Variants in FGGY observed in about 807,000 individuals in gnomAD.
FGGY encodes the protein FGGY carbohydrate kinase domain-containing protein.
FGGY carries 72 observed loss-of-function variants against 71.3 expected under a neutral mutation model. The observed-to-expected ratio is 1.01, with a 90% CI of 0.84 to 1.23. The LOEUF (loss-of-function observed/expected upper bound fraction) is 1.23, where lower values mean the gene tolerates loss of function less well. Among genes scored for constraint, FGGY ranks in the 50% most tolerant of loss-of-function variants. The pLI is 0.00. For missense variants in FGGY, 668 were observed against 682.3 expected (o/e 0.98, Z 0.23); for synonymous variants, 251 against 250.3 (o/e 1.00, Z -0.02).
intron 8 of FGGY, among the ~76,000 whole-genome samples, chr1:59,572,231 C>T (rs569256601): frequency 6.6e-6 from 1 of 152,174 alleles, no homozygotes; most frequent in South Asian, 2.1e-4. Flanking sequence ...GATGTTTGAG[C>T]TGGGAGATTT....
intron 7 of FGGY, among the ~76,000 whole-genome samples, chr1:59,527,284 G>A (rs556828682): frequency 1.6e-4 from 25 of 152,290 alleles, no homozygotes; most frequent in African/African-American, 6.0e-4. Context: ...GGAGGATTCC[G>A]AAATTATTTG....
At chr1:59,617,623 A>G (rs531288058) in intron 9 of FGGY, among the ~76,000 whole-genome samples, 190 of 152,208 alleles carry the variant, frequency 1.2e-3, no homozygotes, top group Non-Finnish European at 2.3e-3. Context: ...GACTTTGTCC[A>G]CAGAACACTG....
chr1:59,321,723 C>A lies in FGGY; in HGVS notation c.174C>A (p.Ile58=), dbSNP rs1231627724. The A allele has an allele frequency of 6.2e-7, 1 of 1,612,034 alleles. No individual in the cohort carries two copies. ...FNHHEQSSED[I]WAACCVVTKK... ...ACCATGAGCAGTCCTCCGAGGACAT[C>A]TGGGCTGCGTGCTGTGTTGTCACAA... is the stretch of plus-strand genomic sequence containing the variant. Residue 58 remains isoleucine, a synonymous_variant, in exon 2 of 16, where the codon ATC becomes ATA. Transcript: ENST00000303721.
chr1:59,645,726 T>TAACCACTC (rs1444330009), intron 11 of FGGY, among the ~76,000 whole-genome samples: 1 of 152,212 alleles, frequency 6.6e-6, no homozygotes, highest in Non-Finnish European at 1.5e-5. Context: ...TTTCCTGAAA[T>TAACCACTC]AACCACTCAA....
chr1:59,512,249 C>G (rs1009127964), intron 6 of FGGY, 62 bp from the exon 7 acceptor site: 3 of 1,510,552 alleles, frequency 2.0e-6, no homozygotes, highest in African/African-American at 2.8e-5. Context: ...TTAAAAAAAA[C>G]CCTCTGTTTA....
At chr1:59,573,998 G>A (rs2096035032) in intron 8 of FGGY, among the ~76,000 whole-genome samples, 2 of 152,130 alleles carry the variant, frequency 1.3e-5, no homozygotes, top group South Asian at 4.1e-4. Flanking sequence ...TATTATCTGT[G>A]TATGTATGTT....
intron 8 of FGGY, among the ~76,000 whole-genome samples, chr1:59,574,386 A>C (rs896600391): frequency 3.3e-5 from 5 of 152,178 alleles, no homozygotes; most frequent in African/African-American, 1.2e-4. Flanking sequence ...GGCCAACTCA[A>C]ATAATCCAAG....
intron 5 of FGGY, 139 bp downstream of exon 5, chr1:59,378,976 A>C (rs2059025758): frequency 1.2e-5 from 8 of 664,464 alleles, no homozygotes; most frequent in Middle Eastern, 2.5e-4. Flanking sequence ...AAACATCTTG[A>C]ATCTATCTTC....
intron 8 of FGGY, among the ~76,000 whole-genome samples, chr1:59,603,928 G>T (rs955098947): frequency 2.6e-5 from 4 of 152,166 alleles, no homozygotes; most frequent in Admixed American, 6.5e-5. Flanking sequence ...CCTGATGCCT[G>T]ACTGCTTTCA....
intron 5 of FGGY, among the ~76,000 whole-genome samples, chr1:59,448,756 C>T (rs938627383): frequency 1.3e-5 from 2 of 152,048 alleles, no homozygotes; most frequent in Admixed American, 1.3e-4. Flanking sequence ...GAGGTTGTGG[C>T]CTGACCTTAT....
chr1:59,646,713 C>A (rs1381194275), intron 11 of FGGY, among the ~76,000 whole-genome samples: 1 of 151,996 alleles, frequency 6.6e-6, no homozygotes. Context: ...CCGTGCAAGA[C>A]AATGTTGTTG....
At chr1:59,730,001 G>A (rs1001760690) in intron 14 of FGGY, among the ~76,000 whole-genome samples, 6 of 152,252 alleles carry the variant, frequency 3.9e-5, no homozygotes, top group Non-Finnish European at 8.8e-5. Context: ...GAGCCAAGAG[G>A]GGATCATTCT....
chr1:59,513,829 A>G (rs2094573872), intron 7 of FGGY, among the ~76,000 whole-genome samples: 1 of 152,214 alleles, frequency 6.6e-6, no homozygotes, highest in South Asian at 2.1e-4. Flanking sequence ...TTCTTATGCA[A>G]CGGATTATTA....
chr1:59,308,251 T>G (rs1038179251), intron 1 of FGGY, among the ~76,000 whole-genome samples: 1 of 152,222 alleles, frequency 6.6e-6, no homozygotes, highest in Non-Finnish European at 1.5e-5. Context: ...AGAGTCATCT[T>G]AAAACATTTG....
intron 14 of FGGY, among the ~76,000 whole-genome samples, chr1:59,723,570 G>GGGA (rs2097915315): frequency 1.3e-5 from 2 of 148,760 alleles, no homozygotes; most frequent in African/African-American, 5.0e-5. Flanking sequence ...TTTTGGGGGG[G>GGGA]GGTGGTTGGG....
intron 15 of FGGY, among the ~76,000 whole-genome samples, chr1:59,758,900 G>C (rs2101881796): frequency 6.6e-6 from 1 of 152,282 alleles, no homozygotes; most frequent in East Asian, 1.9e-4. Context: ...GCAGAACAGA[G>C]ATGCTGAATT....
intron 14 of FGGY, among the ~76,000 whole-genome samples, chr1:59,722,263 C>G (rs2097903929): frequency 6.6e-6 from 1 of 151,934 alleles, no homozygotes; most frequent in South Asian, 2.1e-4. Flanking sequence ...AGGATACTTA[C>G]TATCAGTGTA....
intron 14 of FGGY, among the ~76,000 whole-genome samples, chr1:59,727,930 C>T (rs145704861): frequency 6.6e-6 from 1 of 152,166 alleles, no homozygotes; most frequent in African/African-American, 2.4e-5. Flanking sequence ...TTACTTATAA[C>T]CTGTCTAAGT....
chr1:59,545,573 T>G (rs2153693492), intron 7 of FGGY, among the ~76,000 whole-genome samples: 1 of 152,354 alleles, frequency 6.6e-6, no homozygotes, highest in Non-Finnish European at 1.5e-5. Context: ...TTGTCTTCAC[T>G]GTGGATTTTT....
Sources: gnomAD v4.1 joint callset for allele counts (sites outside exome capture counted in the v4.1 genomes callset) on GRCh38, gnomAD v4.1.1 for gene constraint, MANE v1.5 for transcripts, NCBI Gene and HGNC (gene_info 2026-07-23, HGNC 2026-07-21) for gene names.